Variants in AGBL1 observed in about 807,000 individuals in gnomAD.
The protein encoded by AGBL1 is AGBL carboxypeptidase 1.
Under a neutral mutation model 118.9 loss-of-function variants are expected in AGBL1, and 130 were observed. The ratio of observed to expected loss-of-function variants is 1.09; its 90% confidence interval spans 0.95 to 1.26. The LOEUF (loss-of-function observed/expected upper bound fraction) is 1.26. Among genes scored for constraint, AGBL1 ranks in the 50% most tolerant of loss-of-function variants. The pLI is 0.00. For missense variants in AGBL1, 1,584 were observed against 1,298.1 expected, an observed-to-expected ratio of 1.22 and a Z score of -3.38; for synonymous variants, 555 against 478.9, an observed-to-expected ratio of 1.16 and a Z score of -2.08.
chr15:86,558,721 CG>C (rs1321180386), intron 21 of AGBL1, among the ~76,000 whole-genome samples: 3 of 152,146 alleles, frequency 2.0e-5, no homozygotes, highest in African/African-American at 7.2e-5. Flanking sequence ...ATCGGAACTC[CG>C]TGTTCAGGGC....
At chr15:86,886,108 AT>A (rs2079966723) in intron 22 of AGBL1, among the ~76,000 whole-genome samples, 1 of 152,184 alleles carries the variant, frequency 6.6e-6, no homozygotes, top group Non-Finnish European at 1.5e-5. Flanking sequence ...ACTTCTATCC[AT>A]CTGTACTTTC....
downstream of AGBL1, among the ~76,000 whole-genome samples, chr15:86,920,762 G>C (rs1456932244): frequency 2.6e-5 from 4 of 152,182 alleles, no homozygotes; most frequent in African/African-American, 9.6e-5. Flanking sequence ...GCCTGGGATT[G>C]AGTTGTGATT....
At chr15:86,298,244 A>ATTT (rs1350797793) in intron 17 of AGBL1, among the ~76,000 whole-genome samples, 3 of 19,642 alleles carry the variant, frequency 1.5e-4, no homozygotes, top group African/African-American at 5.4e-4. Flanking sequence ...GTGTCTGTGT[A>ATTT]TAATATATAT....
At chr15:86,450,012 C>T (rs1167184627) in intron 18 of AGBL1, among the ~76,000 whole-genome samples, 1 of 152,196 alleles carries the variant, frequency 6.6e-6, no homozygotes, top group Non-Finnish European at 1.5e-5. Flanking sequence ...TGTTCACCTA[C>T]CCATAGTCCT....
At chr15:86,315,337 GTT>G (rs1458312723) in intron 17 of AGBL1, among the ~76,000 whole-genome samples, 1 of 152,156 alleles carries the variant, frequency 6.6e-6, no homozygotes, top group Non-Finnish European at 1.5e-5. Flanking sequence ...GGTATTGACT[GTT>G]GGGCAACCTA....
chr15:86,814,528 C>T (rs923408573), intron 22 of AGBL1, among the ~76,000 whole-genome samples: 1 of 152,172 alleles, frequency 6.6e-6, no homozygotes, highest in East Asian at 1.9e-4. Flanking sequence ...ATCTAGGTCA[C>T]AGAAACACAT....
chr15:86,475,216 T>G (rs576345937), intron 18 of AGBL1, among the ~76,000 whole-genome samples: 2 of 152,084 alleles, frequency 1.3e-5, no homozygotes, highest in South Asian at 4.1e-4. Context: ...GGAACAAAGA[T>G]GGACAGAGAA....
chr15:86,201,042 C>G (rs1401997764), intron 5 of AGBL1, among the ~76,000 whole-genome samples: 1 of 152,032 alleles, frequency 6.6e-6, no homozygotes, highest in East Asian at 1.9e-4. Context: ...TACTAATAAT[C>G]ATAAGTTTAT....
At chr15:86,562,101 C>A (rs2083832326) in intron 21 of AGBL1, among the ~76,000 whole-genome samples, 1 of 152,182 alleles carries the variant, frequency 6.6e-6, no homozygotes, top group Admixed American at 6.5e-5. Flanking sequence ...CATCTGCAAA[C>A]AGGGACAATT....
At chr15:86,841,129 C>T (rs1459934976) in intron 22 of AGBL1, among the ~76,000 whole-genome samples, 1 of 152,210 alleles carries the variant, frequency 6.6e-6, no homozygotes, top group Non-Finnish European at 1.5e-5. Flanking sequence ...CAGTATTTTT[C>T]CACACTCAGC....
intron 18 of AGBL1, among the ~76,000 whole-genome samples, chr15:86,516,941 C>T (rs769921561): frequency 5.9e-5 from 9 of 152,062 alleles, no homozygotes; most frequent in East Asian, 1.9e-4. Flanking sequence ...TTGTCCTGGT[C>T]GTGTGATCTT....
intron 23 of AGBL1, chr15:86,946,272 G>T (rs1267504246): frequency 6.6e-6 from 1 of 152,210 alleles, no homozygotes; most frequent in East Asian, 1.9e-4. Context: ...GAGCAGACTG[G>T]ATCTTGCCTG....
rs545396563 is a variant in AGBL1 at position 86,967,407 on chromosome 15, T to C, written c.3222-20580T>C. Among the ~76,000 whole-genome samples the C allele has an allele frequency of 7.5e-3, 1,145 of 152,252 alleles. 18 individuals are homozygous for C. Among genetic ancestry groups the C allele is most frequent in the African/African-American group, 0.026 (1,101 of 41,552 alleles). The stretch of plus-strand genomic sequence containing the variant: ...TAGACATGAAGTCCTTGCCCATGCC[T>C]ATGTCCTGAATGGTATTGCCTAGGT... On this transcript the variant is annotated intron_variant, in intron 23 of 24. Transcript: ENST00000441037.
chr15:86,729,944 T>A (rs2077505762), intron 22 of AGBL1, among the ~76,000 whole-genome samples: 1 of 152,206 alleles, frequency 6.6e-6, no homozygotes, highest in Non-Finnish European at 1.5e-5. Context: ...GTTATTTTTT[T>A]GACTTTAAAG....
At chr15:86,645,867 C>G (rs1037775609) in intron 21 of AGBL1, among the ~76,000 whole-genome samples, 1 of 152,100 alleles carries the variant, frequency 6.6e-6, no homozygotes, top group Non-Finnish European at 1.5e-5. Context: ...GAATTCTGGG[C>G]CATGGAACAT....
chr15:86,365,016 C>CACATAT (rs1183004112), intron 17 of AGBL1, among the ~76,000 whole-genome samples: 9 of 122,016 alleles, frequency 7.4e-5, no homozygotes, highest in Middle Eastern at 4.2e-3. Flanking sequence ...TATACACACA[C>CACATAT]ATATATATAT....
intron 24 of AGBL1, among the ~76,000 whole-genome samples, chr15:87,002,074 A>G (rs995119233): frequency 1.3e-5 from 2 of 152,056 alleles, no homozygotes; most frequent in Non-Finnish European, 1.5e-5. Context: ...CCTCAATGGT[A>G]TTGCCTAGGT....
chr15:86,354,745 A>G (rs1477000342), intron 17 of AGBL1, among the ~76,000 whole-genome samples: 1 of 152,166 alleles, frequency 6.6e-6, no homozygotes, highest in Non-Finnish European at 1.5e-5. Context: ...TTTACATAGC[A>G]AAGGAATTTT....
At chr15:86,785,368 TTTTTTTTTTTG>T (rs1716481844) in intron 22 of AGBL1, among the ~76,000 whole-genome samples, 1 of 138,780 alleles carries the variant, frequency 7.2e-6, no homozygotes, top group Non-Finnish European at 1.6e-5. Context: ...TTCTTTTTTT[TTTTTTTTTTTG>T]TTTTTGTTTT....
Sources: gnomAD v4.1 joint callset for allele counts (sites outside exome capture counted in the v4.1 genomes callset) on GRCh38, gnomAD v4.1.1 for gene constraint, MANE v1.5 for transcripts, NCBI Gene and HGNC (gene_info 2026-07-23, HGNC 2026-07-21) for gene names.